PLEKHA2: variants seen among roughly 807,000 people sequenced by gnomAD.
PLEKHA2 encodes pleckstrin homology domain-containing family A member 2.
A neutral mutation model predicts 53.2 loss-of-function variants in PLEKHA2; 28 were observed. That is an observed-to-expected ratio of 0.53 (90% CI 0.39 to 0.72). The LOEUF is 0.72. Among genes scored for constraint, PLEKHA2 ranks in the 30% least tolerant of loss-of-function variants. The pLI is 0.00. For synonymous variants in PLEKHA2, 193 were observed against 196.4 expected (o/e 0.98, Z 0.14); for missense variants, 426 against 537.9 (o/e 0.79, Z 2.06).
chr8:38,938,884 C>T (rs1425267217), intron 3 of PLEKHA2, among the ~76,000 whole-genome samples: 5 of 150,346 alleles, frequency 3.3e-5, no homozygotes, highest in Non-Finnish European at 5.9e-5. Flanking sequence ...AGATTTCCTT[C>T]TTGGCCTTTC....
intron 10 of PLEKHA2, among the ~76,000 whole-genome samples, chr8:38,957,889 T>C (rs893034760): frequency 6.6e-6 from 1 of 152,202 alleles, no homozygotes; most frequent in Non-Finnish European, 1.5e-5. Flanking sequence ...TCCCAACTCC[T>C]TCTAAAGTCA....
chr8:38,966,182 G>T (rs1275642890), intron 10 of PLEKHA2, among the ~76,000 whole-genome samples: 2 of 152,090 alleles, frequency 1.3e-5, no homozygotes, highest in African/African-American at 4.8e-5. Flanking sequence ...CCTTGTAGGT[G>T]CACACATCTA....
rs35530289 is a variant in PLEKHA2 at position 38,959,035 on chromosome 8, G to C, written c.837+1649G>C. On this transcript the variant is annotated intron_variant, in intron 10 of 11. Coordinates refer to ENST00000617275, the MANE Select transcript of PLEKHA2 (RefSeq NM_021623.2). ...AATTGACCTAATGTATGCAAATTGA[G>C]AAAAAAATTTAGGAGGTCAAGTGAT... 5.5e-3 allele frequency among the ~76,000 whole-genome samples: 840 copies of C among 152,022 alleles called. 7 individuals carry two copies. Among genetic ancestry groups the C allele is most frequent in the Non-Finnish European group, 0.01 (713 of 67,986 alleles).
chr8:38,948,072 CAAGACTCCATCTCAAAAAAAA>C (rs1834749247), intron 5 of PLEKHA2, among the ~76,000 whole-genome samples: 1 of 131,460 alleles, frequency 7.6e-6, no homozygotes, highest in African/African-American at 3.0e-5. Context: ...GGCGACAGAG[CAAGACTCCATCTCAAAAAAAA>C]AAAAAAAAAA....
chr8:38,968,508 A>G (rs1351756910), intron 10 of PLEKHA2, 84 bp from the exon 11 acceptor site: 14 of 1,343,656 alleles, frequency 1.0e-5, no homozygotes, highest in Middle Eastern at 1.8e-4. Flanking sequence ...GTGTAATTTT[A>G]TAAACTTAAT....
chr8:38,924,972 T>A (rs1834258245), intron 2 of PLEKHA2, among the ~76,000 whole-genome samples: 1 of 152,262 alleles, frequency 6.6e-6, no homozygotes, highest in Non-Finnish European at 1.5e-5. Flanking sequence ...CTGATTTGGC[T>A]AATGCATTTA....
At chr8:38,912,475 C>A (rs186572295) in intron 1 of PLEKHA2, among the ~76,000 whole-genome samples, 2 of 152,338 alleles carry the variant, frequency 1.3e-5, no homozygotes, top group South Asian at 2.1e-4. Context: ...ACTACTGGCA[C>A]TCCCCTTTCT....
intron 1 of PLEKHA2, among the ~76,000 whole-genome samples, chr8:38,913,018 G>A (rs933209927): frequency 1.3e-5 from 2 of 152,130 alleles, no homozygotes; most frequent in Non-Finnish European, 2.9e-5. Flanking sequence ...AACAAAACTG[G>A]ACTTTTAGAG....
intron 9 of PLEKHA2, among the ~76,000 whole-genome samples, chr8:38,955,531 G>A (rs984800043): frequency 2.0e-5 from 3 of 151,978 alleles, no homozygotes; most frequent in Non-Finnish European, 4.4e-5. Flanking sequence ...TTTATACCTG[G>A]GGTCACAAAG....
chr8:38,952,579 C>T, intron 7 of PLEKHA2, 57 bp from the exon 8 acceptor site: 1 of 1,543,344 alleles, frequency 6.5e-7, no homozygotes, highest in Non-Finnish European at 8.8e-7. Context: ...ATGAGTACAC[C>T]CTCCACAATG....
intron 2 of PLEKHA2, among the ~76,000 whole-genome samples, chr8:38,929,831 A>T (rs1292992800): frequency 2.6e-5 from 4 of 152,212 alleles, no homozygotes; most frequent in Admixed American, 2.0e-4. Context: ...GTGAATGAAG[A>T]GGTATGCACA....
chr8:38,920,583 T>G (rs1462894137), intron 2 of PLEKHA2, among the ~76,000 whole-genome samples: 1 of 151,560 alleles, frequency 6.6e-6, no homozygotes, highest in African/African-American at 2.4e-5. Context: ...CCGTTTTTTT[T>G]TTTTTCAATT....
At chr8:38,968,525 T>TTTTGG in intron 10 of PLEKHA2, 67 bp from the exon 11 acceptor site, 5 of 1,482,736 alleles carry the variant, frequency 3.4e-6, no homozygotes, top group Non-Finnish European at 4.7e-6. Flanking sequence ...TAATATTGAG[T>TTTTGG]CAGAGACTTG....
At chr8:38,944,286 G>A (rs1193180062) in intron 4 of PLEKHA2, among the ~76,000 whole-genome samples, 13 of 151,868 alleles carry the variant, frequency 8.6e-5, no homozygotes, top group Non-Finnish European at 1.8e-4. Context: ...AGGCCGAGGC[G>A]GGCAGATCAC....
chr8:38,926,934 A>T (rs1588245796), intron 2 of PLEKHA2, among the ~76,000 whole-genome samples: 2 of 152,216 alleles, frequency 1.3e-5, no homozygotes, highest in African/African-American at 4.8e-5. Flanking sequence ...CCAACCAACC[A>T]AACAAACAAA....
At chr8:38,917,540 AG>A (rs1387934312) in intron 1 of PLEKHA2, among the ~76,000 whole-genome samples, 1 of 152,218 alleles carries the variant, frequency 6.6e-6, no homozygotes, top group African/African-American at 2.4e-5. Flanking sequence ...CCCGTTTTAC[AG>A]ATGCAGAAGC....
Position 38,969,570 on chromosome 8 carries a change from G to T in PLEKHA2, c.1065G>T (p.Gln355His). ...CKAPSVASSW[Q>H]PWTPVPQAGE... ...CCCCCTCTGTGGCCTCCTCCTGGCA[G>T]CCCTGGACACCTGTCCCCCAGGCTG... The change falls in exon 12 of 12, where the codon CAG becomes CAT. Residue 355 changes from glutamine to histidine, a missense_variant. Transcript: ENST00000617275. 1.2e-6 allele frequency: 2 copies of T among 1,611,342 alleles called. No homozygotes were observed. The highest frequency in any genetic ancestry group is 1.7e-6 in the Non-Finnish European group (2 of 1,178,674).
At position 38,969,837 on chromosome 8, in the gene PLEKHA2, G is replaced by C; in HGVS notation, c.*54G>C. 6.5e-7 allele frequency: 1 copy of C among 1,537,066 alleles called. No homozygotes were observed. Among genetic ancestry groups the C allele is most frequent in the Non-Finnish European group, 8.7e-7 (1 of 1,144,104 alleles). On this transcript the variant is annotated 3_prime_UTR_variant, in exon 12 of 12. Transcript: ENST00000617275. ...GGGAGGGAGGACTTGAGAGAAGGAG[G>C]CTGTGACTCAGTTTCTCTACCTTGT... is the stretch of plus-strand genomic sequence containing the variant.
chr8:38,926,167 T>C (rs1169212651), intron 2 of PLEKHA2, among the ~76,000 whole-genome samples: 1 of 152,226 alleles, frequency 6.6e-6, no homozygotes, highest in African/African-American at 2.4e-5. Flanking sequence ...CTTCAATTCA[T>C]GGATTTTGTG....
Sources: gnomAD v4.1 joint callset for allele counts (sites outside exome capture counted in the v4.1 genomes callset) on GRCh38, gnomAD v4.1.1 for gene constraint, MANE v1.5 for transcripts, NCBI Gene and HGNC (gene_info 2026-07-23, HGNC 2026-07-21) for gene names.